Variants in QRICH1 observed in about 807,000 individuals in gnomAD.
QRICH1 encodes the protein glutamine rich 1, also known as transcriptional regulator QRICH1.
In QRICH1, 16 loss-of-function variants were observed where a neutral mutation model predicts 87.1. The ratio of observed to expected loss-of-function variants is 0.18; its 90% CI spans 0.12 to 0.28. The LOEUF (loss-of-function observed/expected upper bound fraction) is 0.28, where lower values mean the gene tolerates loss of function less well. Ranked by LOEUF, QRICH1 falls within the 10% of genes least tolerant of loss-of-function variation. The pLI, the probability that QRICH1 is intolerant of heterozygous loss-of-function variation, is 1.00. For synonymous variants in QRICH1, 367 were observed against 368.4 expected (o/e 1.00, Z 0.05); for missense variants, 647 against 951.7 (o/e 0.68, Z 4.21).
At chr3:49,080,018 G>A (rs1381588107) in intron 1 of QRICH1, among the ~76,000 whole-genome samples, 1 of 123,594 alleles carries the variant, frequency 8.1e-6, no homozygotes, top group African/African-American at 3.0e-5. Flanking sequence ...GCCAGACTGA[G>A]ACTCTATCTC....
intron 1 of QRICH1, among the ~76,000 whole-genome samples, chr3:49,084,983 A>C (rs1254041339): frequency 1.3e-4 from 19 of 150,886 alleles, no homozygotes. Context: ...TCTACTAAAA[A>C]TACAAAAAAA....
At position 49,074,999 on chromosome 3, in the gene QRICH1, C is replaced by T. The variant is rs140371413; in HGVS notation, c.309+1710G>A. ...ATCTTAAATAAAAAAGACCAAATAT[C>T]TGTGGTGTTTTTAGTTTACAGTACT... On this transcript the variant is annotated intron_variant, in intron 2 of 9. Coordinates refer to ENST00000395443, the MANE Select transcript of QRICH1 (RefSeq NM_198880.3). Among the ~76,000 whole-genome samples, 894 of 151,778 alleles carry T rather than the reference C, an allele frequency of 5.9e-3. 10 individuals are homozygous for T. The highest frequency in any genetic ancestry group is 0.02 in the African/African-American group (832 of 41,416).
chr3:49,070,861 A>G lies in QRICH1; in HGVS notation c.309+5848T>C, dbSNP rs144874744. Among the ~76,000 whole-genome samples, 899 of 152,156 alleles carry G rather than the reference A, an allele frequency of 5.9e-3. 10 individuals carry two copies. The highest frequency in any genetic ancestry group is 0.021 in the African/African-American group (855 of 41,516). ...TATATTTGTTTCTTCTTTCATTTAC[A>G]TAGAGTTTAGGGAGAAAGACGAACG... On this transcript the variant is annotated intron_variant, in intron 2 of 9. Coordinates refer to ENST00000395443, the MANE Select transcript of QRICH1 (RefSeq NM_198880.3).
chr3:49,087,528 G>A lies in QRICH1; in HGVS notation c.-22+6384C>T, dbSNP rs1393863633. Among the ~76,000 whole-genome samples, 5 of 151,476 alleles carry A rather than the reference G, an allele frequency of 3.3e-5. 1 individual carries two copies. The South Asian group carries it at 1.0e-3, about 32-fold the overall frequency. ...CCACTGCACTCCAGCCTGGGCAACAGAGCAAGACTCCATCTCAAAAAATAA... is the reference window on the plus strand; with the variant it reads ...CCACTGCACTCCAGCCTGGGCAACAAAGCAAGACTCCATCTCAAAAAATAA... On this transcript the variant is annotated intron_variant, in intron 1 of 9. Transcript: ENST00000395443.
At chr3:49,054,022 A>T (rs1055598043) in intron 3 of QRICH1, among the ~76,000 whole-genome samples, 1 of 152,204 alleles carries the variant, frequency 6.6e-6, no homozygotes, top group African/African-American at 2.4e-5. Context: ...TTCCCTTGGC[A>T]TCTTTCCCTT....
At chr3:49,050,519 C>T (rs1039961879) in intron 3 of QRICH1, among the ~76,000 whole-genome samples, 1 of 151,410 alleles carries the variant, frequency 6.6e-6, no homozygotes, top group South Asian at 2.1e-4. Context: ...GCCCTAGTTT[C>T]GCTCACTCAC....
At chr3:49,090,674 C>G (rs573332464) in intron 1 of QRICH1, among the ~76,000 whole-genome samples, 2 of 151,506 alleles carry the variant, frequency 1.3e-5, no homozygotes, top group African/African-American at 2.4e-5. Context: ...AAAATATTAG[C>G]CTTCTGACAC....
chr3:49,047,906 A>G (rs2093348030), intron 3 of QRICH1, among the ~76,000 whole-genome samples: 1 of 152,100 alleles, frequency 6.6e-6, no homozygotes, highest in Non-Finnish European at 1.5e-5. Flanking sequence ...CAGCCTGGTG[A>G]TAGAGCGAGA....
chr3:49,058,557 C>G (rs568912483), intron 2 of QRICH1, among the ~76,000 whole-genome samples: 1 of 152,264 alleles, frequency 6.6e-6, no homozygotes, highest in Admixed American at 6.5e-5. Context: ...AACTCCTGAC[C>G]TCAACTGGTC....
chr3:49,054,802 T>A (rs2093391463), intron 3 of QRICH1, among the ~76,000 whole-genome samples: 1 of 152,104 alleles, frequency 6.6e-6, no homozygotes, highest in Non-Finnish European at 1.5e-5. Context: ...CTTGGGAGGC[T>A]GAGGCGGGAG....
intron 9 of QRICH1, among the ~76,000 whole-genome samples, chr3:49,031,446 G>A (rs532264756): frequency 9.2e-5 from 14 of 152,206 alleles, no homozygotes; most frequent in African/African-American, 3.1e-4. Context: ...TTATTCAAGG[G>A]TTACTAGTGC....
chr3:49,062,503 G>A (rs2093441273), intron 2 of QRICH1, among the ~76,000 whole-genome samples: 1 of 150,490 alleles, frequency 6.6e-6, no homozygotes, highest in Non-Finnish European at 1.5e-5. Context: ...TAGGATTACA[G>A]GCACGCATCA....
chr3:49,090,640 A>AT (rs2042257468), intron 1 of QRICH1, among the ~76,000 whole-genome samples: 1 of 151,282 alleles, frequency 6.6e-6, no homozygotes, highest in African/African-American at 2.4e-5. Flanking sequence ...AAAAAAAAAA[A>AT]AAAAGAGAAA....
intron 5 of QRICH1, among the ~76,000 whole-genome samples, chr3:49,046,211 G>A (rs899792614): frequency 8.0e-5 from 12 of 150,016 alleles, no homozygotes; most frequent in Admixed American, 4.0e-4. Context: ...AGCCACCAGC[G>A]CCCGGCCCCG....
chr3:49,031,066 A>G (rs1419194848), intron 9 of QRICH1, among the ~76,000 whole-genome samples: 3 of 146,792 alleles, frequency 2.0e-5, no homozygotes, highest in African/African-American at 7.6e-5. Flanking sequence ...AGCTCACTGC[A>G]ACCTCCGCCC....
chr3:49,066,498 T>C (rs2093469198), intron 2 of QRICH1, among the ~76,000 whole-genome samples: 1 of 151,208 alleles, frequency 6.6e-6, no homozygotes, highest in Non-Finnish European at 1.5e-5. Flanking sequence ...AGAGTCTCAC[T>C]CTGTCGCCTA....
chr3:49,082,677 C>A (rs1026732024), intron 1 of QRICH1, among the ~76,000 whole-genome samples: 1 of 151,520 alleles, frequency 6.6e-6, no homozygotes, highest in African/African-American at 2.4e-5. Context: ...GGGTGGATCA[C>A]GAGGTCGGGA....
chr3:49,030,485 G>A lies in QRICH1; in HGVS notation c.2298C>T (p.Ala766=), dbSNP rs1479204813. The A allele has an allele frequency of 6.2e-7, 1 of 1,613,784 alleles. No homozygotes were observed. Among genetic ancestry groups the A allele is most frequent in the Admixed American group, 1.7e-5 (1 of 60,022 alleles). ...RILVIREIQE[A]IAVANASTMH Reference sequence around the variant, plus strand: ...TAGTGCTTGCATTGGCCACTGCGATGGCCTCCTGAATTTCTCTTATCACCA... The same window carrying A: ...TAGTGCTTGCATTGGCCACTGCGATAGCCTCCTGAATTTCTCTTATCACCA... Residue 766 remains alanine (A), a synonymous_variant, in exon 10 of 10, where the codon GCC becomes GCT. Coordinates refer to ENST00000395443, the MANE Select transcript of QRICH1 (RefSeq NM_198880.3).
rs1338245981 is a variant in QRICH1, at chr3:49,051,591, C to CG, written c.1339-4346_1339-4345insC. On this transcript the variant is annotated intron_variant, in intron 3 of 9. Transcript: ENST00000395443. ...AGCTAGAACCCCCCCTGCGCCCCCC[C>CG]CCCCCTCCGCTTAATATACCTAGTG... Among the ~76,000 whole-genome samples, 8 of 137,174 alleles carry CG rather than the reference C, an allele frequency of 5.8e-5. 1 individual carries two copies. Among genetic ancestry groups the CG allele is most frequent in the African/African-American group, 2.2e-4 (8 of 36,982 alleles). The allele number at this position is 137,174 out of a possible 152,430, so 90.0% of individuals were successfully genotyped here. A position where few individuals can be genotyped will look rare whatever the true frequency, so the allele number is the denominator to read the frequency against.
Sources: gnomAD v4.1 joint callset for allele counts (sites outside exome capture counted in the v4.1 genomes callset) on GRCh38, gnomAD v4.1.1 for gene constraint, MANE v1.5 for transcripts, NCBI Gene and HGNC (gene_info 2026-07-23, HGNC 2026-07-21) for gene names.